IRGM: variants seen among roughly 807,000 people sequenced by gnomAD.
IRGM encodes immunity related GTPase M, also known as immunity-related GTPase family M protein.
For synonymous variants in IRGM, 98 were observed against 80.6 expected (o/e 1.22, Z -1.16); for missense variants, 288 against 219.9 (o/e 1.31, Z -1.96).
chr5:150,889,006 T>A (rs149107030), intron 3 of IRGM, among the ~76,000 whole-genome samples: 1 of 152,130 alleles, frequency 6.6e-6, no homozygotes, highest in East Asian at 1.9e-4. Flanking sequence ...TCATGTTTCA[T>A]ATTTAAATGC....
At chr5:150,898,268 A>G (rs1292347640) in intron 3 of IRGM, 2 of 1,596,884 alleles carry the variant, frequency 1.3e-6, no homozygotes, top group African/African-American at 2.7e-5. Flanking sequence ...TCTACAATAA[A>G]GCTGTCCAGT....
At chr5:150,848,746 C>T, downstream of IRGM, 2 of 1,030,218 alleles carry the variant, frequency 1.9e-6, no homozygotes, top group Non-Finnish European at 2.8e-6. Context: ...CTCATTGAAA[C>T]ACACCTGGTG....
At chr5:150,874,138 G>A (rs965584033) in intron 1 of IRGM, among the ~76,000 whole-genome samples, 4 of 152,286 alleles carry the variant, frequency 2.6e-5, no homozygotes, top group African/African-American at 9.6e-5. Flanking sequence ...TGTCCATAAG[G>A]CCCACCAGAA....
chr5:150,870,933 C>T (rs1754274017), intron 1 of IRGM, among the ~76,000 whole-genome samples: 2 of 151,598 alleles, frequency 1.3e-5, no homozygotes, highest in African/African-American at 4.9e-5. Flanking sequence ...TGAAGGAAAG[C>T]TCCAAATTAT....
At chr5:150,895,883 G>A in intron 3 of IRGM, 1 of 1,613,454 alleles carries the variant, frequency 6.2e-7, no homozygotes, top group South Asian at 1.1e-5. Context: ...GATGTGTAAT[G>A]AGTTCTGTCT....
intron 3 of IRGM, chr5:150,896,678 A>G (rs1754796979): frequency 1.2e-6 from 2 of 1,613,364 alleles, no homozygotes; most frequent in African/African-American, 1.3e-5. Context: ...TAAAAGCATC[A>G]TATTTATGGA....
At chr5:150,890,425 A>C (rs568214654) in intron 3 of IRGM, among the ~76,000 whole-genome samples, 1 of 148,514 alleles carries the variant, frequency 6.7e-6, no homozygotes, top group African/African-American at 2.5e-5. Context: ...TGACATATCT[A>C]TCTTCTCAAA....
intron 3 of IRGM, chr5:150,895,053 C>T (rs115469051): frequency 0.014 from 2,345 of 166,924 alleles, 60 homozygotes; most frequent in African/African-American, 0.053. Context: ...CTTTCTTCCA[C>T]GTCTTTTATA....
intron 3 of IRGM, among the ~76,000 whole-genome samples, chr5:150,884,782 ATTTG>A (rs1420860535): frequency 2.0e-5 from 3 of 152,094 alleles, no homozygotes; most frequent in Admixed American, 2.0e-4. Flanking sequence ...TCTCTTGTAA[ATTTG>A]TTTAAGTTCC....
Position 150,897,958 on chromosome 5 carries a change from A to G in IRGM, c.*141-2631A>G. The G allele has an allele frequency of 8.5e-6, 12 of 1,417,872 alleles. No individual in the cohort carries two copies. In the South Asian group the frequency reaches 1.6e-4, roughly 19 times the overall value. The allele number at this position is 1,417,872 out of a possible 1,614,324, so 87.8% of individuals were successfully genotyped here. A position where few individuals can be genotyped will look rare whatever the true frequency, so the allele number is the denominator to read the frequency against. On this transcript the variant is annotated intron_variant and NMD_transcript_variant, in intron 3 of 3. Transcript: ENST00000520549. The stretch of plus-strand genomic sequence containing the variant: ...CACAATTACTTGTTGAGTGACTACT[A>G]AATTCTCAGCATAGAAGCAAAGAAT...
intron 1 of IRGM, among the ~76,000 whole-genome samples, chr5:150,875,356 G>A (rs922571408): frequency 8.5e-5 from 13 of 152,178 alleles, no homozygotes; most frequent in East Asian, 3.8e-4. Flanking sequence ...TGCACTTTGC[G>A]TGGAAGGAAA....
At chr5:150,892,060 C>G (rs1404382728) in intron 3 of IRGM, among the ~76,000 whole-genome samples, 2 of 152,092 alleles carry the variant, frequency 1.3e-5, no homozygotes, top group Non-Finnish European at 2.9e-5. Flanking sequence ...ATCATCTTAA[C>G]TCATTTAAAG....
intron 1 of IRGM, among the ~76,000 whole-genome samples, chr5:150,858,735 A>G (rs1484710467): frequency 3.3e-5 from 5 of 152,074 alleles, no homozygotes; most frequent in East Asian, 3.9e-4. Flanking sequence ...TTTGTCTGTT[A>G]TTGGTGTATA....
intron 1 of IRGM, among the ~76,000 whole-genome samples, chr5:150,859,172 C>T (rs1488434449): frequency 6.6e-6 from 1 of 152,168 alleles, no homozygotes; most frequent in Non-Finnish European, 1.5e-5. Flanking sequence ...TTTTCTGCAT[C>T]TATTGAGATA....
At chr5:150,860,386 C>A (rs987927120) in intron 1 of IRGM, among the ~76,000 whole-genome samples, 1 of 152,182 alleles carries the variant, frequency 6.6e-6, no homozygotes, top group African/African-American at 2.4e-5. Context: ...AGTTTCAGTT[C>A]TCTTTCTAAA....
At chr5:150,872,838 G>A (rs1314782715) in intron 1 of IRGM, among the ~76,000 whole-genome samples, 1 of 152,186 alleles carries the variant, frequency 6.6e-6, no homozygotes, top group East Asian at 1.9e-4. Flanking sequence ...GGATGCTGGA[G>A]TGGATTAGTC....
At chr5:150,898,643 T>C (rs759490635) in intron 3 of IRGM, 16 of 1,395,020 alleles carry the variant, frequency 1.1e-5, no homozygotes, top group Non-Finnish European at 1.4e-5. Flanking sequence ...CCTAGTTTTG[T>C]ATAATAGTTT....
intron 3 of IRGM, among the ~76,000 whole-genome samples, chr5:150,884,849 T>C (rs1311755872): frequency 3.9e-5 from 6 of 152,140 alleles, no homozygotes; most frequent in Admixed American, 2.0e-4. Context: ...GCAAATATTT[T>C]CTCCACCCTG....
rs1446619051 is a variant in IRGM, at chr5:150,846,911, G to C, written c.-725G>C. On this transcript the variant is annotated 5_prime_UTR_variant, in exon 1 of 2. Coordinates refer to ENST00000522154, the MANE Select transcript of IRGM (RefSeq NM_001145805.2). ...GTGGCTTCATTCTTGAAGTCAGTGA[G>C]ACGAAGAACCCACCAATTCCGGTAG... The C allele has an allele frequency of 3.9e-5, 6 of 153,506 alleles. No homozygotes were observed. The highest frequency in any genetic ancestry group is 8.7e-5 in the Non-Finnish European group (6 of 68,982). The allele number at this position is 153,506 out of a possible 1,614,324, so 9.5% of individuals were successfully genotyped here. A position where few individuals can be genotyped will look rare whatever the true frequency, so the allele number is the denominator to read the frequency against.
Sources: allele counts gnomAD v4.1 joint callset (sites outside exome capture counted in the v4.1 genomes callset), GRCh38; gene constraint gnomAD v4.1.1; transcripts MANE v1.5; gene names NCBI Gene and HGNC (gene_info 2026-07-23, HGNC 2026-07-21).